Variants in RSPO3 observed in about 807,000 individuals in gnomAD.
RSPO3 encodes R-spondin 3, also known as R-spondin-3.
Under a neutral mutation model 36.5 loss-of-function variants are expected in RSPO3, and 17 were observed. The observed-to-expected ratio is 0.47, with a 90% CI of 0.32 to 0.70. The LOEUF is 0.70. RSPO3 is among the 30% of genes least tolerant of loss of function. The pLI is 0.04. For missense variants in RSPO3, 294 were observed against 322.5 expected (o/e 0.91, Z 0.68); for synonymous variants, 108 against 107.0 (o/e 1.01, Z -0.06).
chr6:127,166,158 T>C (rs1388682046), intron 4 of RSPO3, among the ~76,000 whole-genome samples: 1 of 152,008 alleles, frequency 6.6e-6, no homozygotes, highest in Non-Finnish European at 1.5e-5. Context: ...AGTAGCTCAA[T>C]AGTGTGTGCA....
chr6:127,150,196 C>CAA (rs1774463773), intron 2 of RSPO3, among the ~76,000 whole-genome samples: 1 of 150,976 alleles, frequency 6.6e-6, no homozygotes, highest in Non-Finnish European at 1.5e-5. Context: ...TACACACACA[C>CAA]AAAGATTTTT....
At chr6:127,129,764 C>T (rs553283401) in intron 1 of RSPO3, among the ~76,000 whole-genome samples, 13 of 152,006 alleles carry the variant, frequency 8.6e-5, no homozygotes, top group Non-Finnish European at 1.3e-4. Flanking sequence ...TGTGAATGTA[C>T]GTGCCCACAT....
chr6:127,141,968 G>GA (rs2114568639), intron 1 of RSPO3, among the ~76,000 whole-genome samples: 1 of 152,154 alleles, frequency 6.6e-6, no homozygotes, highest in East Asian at 1.9e-4. Context: ...TAGCATAGGT[G>GA]AATTTTAATT....
intron 4 of RSPO3, among the ~76,000 whole-genome samples, chr6:127,163,702 T>C (rs922683984): frequency 1.9e-5 from 2 of 106,664 alleles, no homozygotes; most frequent in Non-Finnish European, 4.2e-5. Context: ...TAAAAAATTA[T>C]TTACGACATA....
intron 4 of RSPO3, among the ~76,000 whole-genome samples, chr6:127,160,863 C>A (rs9491700): frequency 0.46 from 70,488 of 151,982 alleles, 16,569 homozygotes; most frequent in East Asian, 0.53. Context: ...CCTCACTACT[C>A]ATCTTTAAAG....
At chr6:127,194,892 C>T (rs1775483333) in intron 4 of RSPO3, among the ~76,000 whole-genome samples, 2 of 152,076 alleles carry the variant, frequency 1.3e-5, no homozygotes. Context: ...CTCAACCTGC[C>T]CTGGTAGCTT....
chr6:127,195,479 T>C (rs917123101), intron 4 of RSPO3, among the ~76,000 whole-genome samples: 6 of 152,216 alleles, frequency 3.9e-5, no homozygotes, highest in Admixed American at 1.3e-4. Context: ...AAAATATACA[T>C]TTTAATAAAT....
chr6:127,132,441 AGGGAAAT>A (rs1376346869), intron 1 of RSPO3, among the ~76,000 whole-genome samples: 1 of 152,112 alleles, frequency 6.6e-6, no homozygotes, highest in Non-Finnish European at 1.5e-5. Context: ...ACAGGATATA[AGGGAAAT>A]GAGTTCATTT....
intron 4 of RSPO3, among the ~76,000 whole-genome samples, chr6:127,167,211 G>T (rs1455999444): frequency 6.6e-6 from 1 of 151,968 alleles, no homozygotes; most frequent in East Asian, 1.9e-4. Context: ...ATGGTGGTTT[G>T]CTGCACAGAT....
chr6:127,189,589 T>C (rs540343929), intron 4 of RSPO3, among the ~76,000 whole-genome samples: 1 of 152,292 alleles, frequency 6.6e-6, no homozygotes, highest in African/African-American at 2.4e-5. Flanking sequence ...ATGATACAAA[T>C]AGAGTGCCTC....
At position 127,119,161 on chromosome 6, in the gene RSPO3, G is replaced by T; in HGVS notation, c.-32G>T. 7.0e-7 allele frequency: 1 copy of T among 1,438,786 alleles called. No homozygotes were observed. The highest frequency in any genetic ancestry group is 9.8e-7 in the Non-Finnish European group (1 of 1,024,806). The allele number at this position is 1,438,786 out of a possible 1,614,324, so 89.1% of individuals were successfully genotyped here. A position where few individuals can be genotyped will look rare whatever the true frequency, so the allele number is the denominator to read the frequency against. On this transcript the variant is annotated 5_prime_UTR_variant, in exon 1 of 5. In the 5' UTR this introduces an upstream ATG that the reference lacks. Transcript: ENST00000356698. Reference sequence around the variant, plus strand: ...ATATAATTAACAATCAAAAGAAAGAGGAGAAAGGAAGGGAAGCATTACTGG... The same window carrying T: ...ATATAATTAACAATCAAAAGAAAGATGAGAAAGGAAGGGAAGCATTACTGG...
chr6:127,168,314 T>A (rs1418481853), intron 4 of RSPO3, among the ~76,000 whole-genome samples: 6 of 152,012 alleles, frequency 3.9e-5, no homozygotes, highest in Admixed American at 1.3e-4. Flanking sequence ...GTGAGATGGT[T>A]TCTCATTGTG....
At chr6:127,160,968 GC>G (rs1245871775) in intron 4 of RSPO3, among the ~76,000 whole-genome samples, 1 of 151,674 alleles carries the variant, frequency 6.6e-6, no homozygotes, top group Non-Finnish European at 1.5e-5. Flanking sequence ...TTTCTCCTTA[GC>G]TATATTACTC....
chr6:127,197,316 TC>T lies in RSPO3; in HGVS notation c.*1314del. 2.2e-6 allele frequency: 3 copies of T among 1,394,820 alleles called. No homozygotes were observed. The highest frequency in any genetic ancestry group is 1.8e-4 in the Middle Eastern group (1 of 5,518). 86.4% of individuals were successfully genotyped at this position (1,394,820 alleles called of 1,614,324 possible). On this transcript the variant is annotated 3_prime_UTR_variant, in exon 5 of 5. Transcript: ENST00000356698. ...GGGCCTCCCTAGCTGATTTCACTGC[TC>T]CCCCTTCATTGCTTAGAAATGGGCA...
chr6:127,137,949 T>G (rs1473435349), intron 1 of RSPO3, among the ~76,000 whole-genome samples: 1 of 152,238 alleles, frequency 6.6e-6, no homozygotes, highest in African/African-American at 2.4e-5. Flanking sequence ...GATCAGTACC[T>G]AGAAGACTGC....
intron 4 of RSPO3, among the ~76,000 whole-genome samples, chr6:127,171,298 T>C (rs1246708727): frequency 6.6e-6 from 1 of 151,752 alleles, no homozygotes; most frequent in African/African-American, 2.4e-5. Flanking sequence ...TATATCAGTG[T>C]GCTCCCCAAG....
chr6:127,157,089 G>C (rs368740970), intron 4 of RSPO3, among the ~76,000 whole-genome samples: 1 of 152,068 alleles, frequency 6.6e-6, no homozygotes, highest in South Asian at 2.1e-4. Context: ...AGTGAAAAAG[G>C]CCTTTTGGCA....
At position 127,185,256 on chromosome 6, in the gene RSPO3, A is replaced by C. The variant is rs144237370; in HGVS notation, c.635-10567A>C. On this transcript the variant is annotated intron_variant, in intron 4 of 4. Coordinates refer to ENST00000356698, the MANE Select transcript of RSPO3 (RefSeq NM_032784.5). ...AAAGTATTTCTGATTAAGAACAGAC[A>C]ATTGCTTCAACAAATAGAATGGGAG... is the stretch of plus-strand genomic sequence containing the variant. Among the ~76,000 whole-genome samples the C allele has an allele frequency of 5.4e-4, 82 of 152,162 alleles. 2 individuals carry two copies. The East Asian group carries it at 0.012, about 22-fold the overall frequency.
rs181644354 is a variant in RSPO3 at position 127,152,984 on chromosome 6, A to G, written c.437-2257A>G. 3.3e-5 allele frequency among the ~76,000 whole-genome samples: 5 copies of G among 152,218 alleles called. No individual in the cohort carries two copies. The East Asian group carries it at 9.7e-4, about 29-fold the overall frequency. Reference sequence around the variant, plus strand: ...ACCATGCAACTAGTCAACAAGAATTAGAGCAAAATGACCAGTAAAGTCACT... The same window carrying G: ...ACCATGCAACTAGTCAACAAGAATTGGAGCAAAATGACCAGTAAAGTCACT... On this transcript the variant is annotated intron_variant, in intron 3 of 4. Coordinates refer to ENST00000356698, the MANE Select transcript of RSPO3 (RefSeq NM_032784.5).
Sources: gnomAD v4.1 joint callset for allele counts (sites outside exome capture counted in the v4.1 genomes callset) on GRCh38, gnomAD v4.1.1 for gene constraint, MANE v1.5 for transcripts, NCBI Gene and HGNC (gene_info 2026-07-23, HGNC 2026-07-21) for gene names.